Variants in PAH observed in about 807,000 individuals in gnomAD.
The protein encoded by PAH is phenylalanine-4-hydroxylase.
A neutral mutation model predicts 62.0 loss-of-function variants in PAH; 64 were observed. The observed-to-expected ratio is 1.03, with a 90% CI of 0.84 to 1.27. The LOEUF (loss-of-function observed/expected upper bound fraction) is 1.27, where lower values mean the gene tolerates loss of function less well. Among genes scored for constraint, PAH ranks in the 50% most tolerant of loss-of-function variants. The pLI is 0.00. For missense variants in PAH, 579 were observed against 542.8 expected (o/e 1.07, Z -0.66); for synonymous variants, 195 against 196.2 (o/e 0.99, Z 0.05).
chr12:102,859,061 A>G (rs1322285332), intron 5 of PAH, among the ~76,000 whole-genome samples: 2 of 152,182 alleles, frequency 1.3e-5, no homozygotes, highest in Admixed American at 1.3e-4. Flanking sequence ...AGATCGACAA[A>G]ATTGATAGAC....
intron 4 of PAH, among the ~76,000 whole-genome samples, chr12:102,874,839 T>C (rs1441368471): frequency 1.3e-5 from 2 of 152,224 alleles, no homozygotes; most frequent in Non-Finnish European, 2.9e-5. Context: ...ACTTCATTTT[T>C]CAAAGTGACT....
At chr12:102,853,772 A>G (rs548142396) in intron 6 of PAH, among the ~76,000 whole-genome samples, 19 of 152,314 alleles carry the variant, frequency 1.2e-4, no homozygotes, top group African/African-American at 4.3e-4. Flanking sequence ...TGGTAATAAT[A>G]GCTAACACTA....
chr12:102,927,582 A>C (rs1041489045), intron 1 of PAH, among the ~76,000 whole-genome samples: 1 of 152,190 alleles, frequency 6.6e-6, no homozygotes, highest in Non-Finnish European at 1.5e-5. Flanking sequence ...GATTCCAGAT[A>C]GTGTGGGGAG....
chr12:102,886,895 T>C (rs1877064129), intron 3 of PAH, among the ~76,000 whole-genome samples: 3 of 152,104 alleles, frequency 2.0e-5, no homozygotes, highest in Admixed American at 1.3e-4. Flanking sequence ...ATCGGTAGCA[T>C]AAATGATCAA....
At chr12:102,923,705 A>T (rs966163387) in intron 1 of PAH, 1 of 152,178 alleles carries the variant, frequency 6.6e-6, no homozygotes, top group East Asian at 1.9e-4. Context: ...AACTGTCTAC[A>T]CCTAAGATGT....
chr12:102,947,833 A>G (rs1171802090), intron 1 of PAH, among the ~76,000 whole-genome samples: 2 of 152,226 alleles, frequency 1.3e-5, no homozygotes, highest in East Asian at 1.9e-4. Flanking sequence ...ATGGAGGCTG[A>G]GTCCCAAGAT....
intron 3 of PAH, among the ~76,000 whole-genome samples, chr12:102,891,215 T>A (rs937814344): frequency 1.4e-4 from 22 of 152,230 alleles, no homozygotes; most frequent in African/African-American, 5.3e-4. Context: ...TCTACTTACC[T>A]GGGTGTGTCT....
chr12:102,862,371 G>T (rs1875766826), intron 5 of PAH, among the ~76,000 whole-genome samples: 1 of 152,092 alleles, frequency 6.6e-6, no homozygotes, highest in Non-Finnish European at 1.5e-5. Context: ...CACATAGAGG[G>T]GAACAACACA....
chr12:102,925,964 C>T (rs1172926766), intron 1 of PAH, among the ~76,000 whole-genome samples: 1 of 151,942 alleles, frequency 6.6e-6, no homozygotes, highest in Non-Finnish European at 1.5e-5. Flanking sequence ...CATGAGCATC[C>T]CTTCTCGGCA....
At chr12:102,940,138 C>T (rs1041582927) in intron 1 of PAH, among the ~76,000 whole-genome samples, 8 of 152,222 alleles carry the variant, frequency 5.3e-5, no homozygotes, top group African/African-American at 1.9e-4. Context: ...AGACCCTGCA[C>T]AAAGACTGGC....
chr12:102,922,538 G>T (rs1005520774), intron 1 of PAH, among the ~76,000 whole-genome samples: 3 of 152,126 alleles, frequency 2.0e-5, no homozygotes, highest in Admixed American at 2.0e-4. Context: ...ATATCTTGAG[G>T]TCACGCTGTT....
At chr12:102,891,187 C>CA (rs1490477850) in intron 3 of PAH, among the ~76,000 whole-genome samples, 1 of 152,230 alleles carries the variant, frequency 6.6e-6, no homozygotes, top group African/African-American at 2.4e-5. Context: ...GTCTTTGTCA[C>CA]AGCACCTGTC....
chr12:102,846,489 AC>A (rs1385957549), intron 9 of PAH, among the ~76,000 whole-genome samples: 3 of 152,074 alleles, frequency 2.0e-5, no homozygotes, highest in Non-Finnish European at 4.4e-5. Flanking sequence ...GGGAAAGCCC[AC>A]CCCCATTTCT....
At chr12:102,899,655 C>T (rs1877656683) in intron 2 of PAH, among the ~76,000 whole-genome samples, 2 of 150,792 alleles carry the variant, frequency 1.3e-5, no homozygotes, top group Admixed American at 6.6e-5. Context: ...GTCAGGAGAT[C>T]GAGACCATCC....
At position 102,838,910 on chromosome 12, in the gene PAH, T is replaced by G; in HGVS notation, c.*265A>C. On this transcript the variant is annotated 3_prime_UTR_variant, in exon 13 of 13. Coordinates refer to ENST00000553106, the MANE Select transcript of PAH (RefSeq NM_000277.3). ...TTAATCTTGATGAAATGCGACAGAT[T>G]ACTGATTTAACTCAATTGAGAGTAT... 1.9e-6 allele frequency: 1 copy of G among 515,116 alleles called. No individual in the cohort carries two copies. Among genetic ancestry groups the G allele is most frequent in the South Asian group, 2.4e-5 (1 of 41,174 alleles). 31.9% of individuals were successfully genotyped at this position (515,116 alleles called of 1,614,324 possible).
chr12:102,894,709 T>C (rs745412733), intron 3 of PAH, 26 bp downstream of exon 3: 11 of 1,585,408 alleles, frequency 6.9e-6, no homozygotes, highest in South Asian at 5.5e-5. Context: ...GAGTTACTTA[T>C]GTTGCAAAAT....
chr12:102,867,487 T>C (rs549745534), intron 4 of PAH, among the ~76,000 whole-genome samples: 60 of 152,336 alleles, frequency 3.9e-4, no homozygotes, highest in Admixed American at 1.9e-3. Flanking sequence ...TTCCAACTGA[T>C]TGAAAGACAA....
intron 2 of PAH, among the ~76,000 whole-genome samples, chr12:102,898,245 G>GT (rs5800542): frequency 0.41 from 62,695 of 151,992 alleles, 15,050 homozygotes; most frequent in African/African-American, 0.65. Context: ...TCTTTAGATG[G>GT]GATATTTTAG....
chr12:102,897,492 T>TATATATATATATATATACATATATAA (rs1379613102), intron 2 of PAH, among the ~76,000 whole-genome samples: 3 of 137,458 alleles, frequency 2.2e-5, no homozygotes, highest in African/African-American at 9.6e-5. Flanking sequence ...TATATATATA[T>TATATATATATATATATACATATATAA]AATTCAAACT....
Sources: allele counts gnomAD v4.1 joint callset (sites outside exome capture counted in the v4.1 genomes callset), GRCh38; gene constraint gnomAD v4.1.1; transcripts MANE v1.5; gene names NCBI Gene and HGNC (gene_info 2026-07-23, HGNC 2026-07-21).